The following RHBDD1 variants were observed in gnomAD, a reference collection of about 807,000 sequenced individuals.
RHBDD1 encodes rhomboid domain containing 1.
A neutral mutation model predicts 36.3 loss-of-function variants in RHBDD1; 38 were observed. That is an observed-to-expected ratio of 1.05 (90% CI 0.81 to 1.37). The LOEUF is 1.37. RHBDD1 is among the 40% of genes most tolerant of loss of function. The probability of loss-of-function intolerance (pLI) is 0.00; values close to 1 mark genes in which losing one functional copy is unlikely to be tolerated. For missense variants in RHBDD1, 393 were observed against 377.6 expected (o/e 1.04, Z -0.34); for synonymous variants, 151 against 136.5 (o/e 1.11, Z -0.74).
intron 8 of RHBDD1, among the ~76,000 whole-genome samples, chr2:226,949,605 A>T (rs534911692): frequency 6.6e-6 from 1 of 152,258 alleles, no homozygotes; most frequent in East Asian, 1.9e-4. Flanking sequence ...AATAATAGTG[A>T]TATTTGTATT....
chr2:226,933,683 A>G (rs186083822), intron 8 of RHBDD1, among the ~76,000 whole-genome samples: 1 of 151,882 alleles, frequency 6.6e-6, no homozygotes, highest in East Asian at 1.9e-4. Context: ...CTCTGAGCCT[A>G]CTCTGGCTTG....
At chr2:226,924,845 A>AT (rs1195191164) in intron 8 of RHBDD1, among the ~76,000 whole-genome samples, 1 of 152,208 alleles carries the variant, frequency 6.6e-6, no homozygotes, top group East Asian at 1.9e-4. Context: ...AAGTACACAG[A>AT]TTCTCTGTCT....
rs554632429 is a variant in RHBDD1 at position 226,904,417 on chromosome 2, G to C, written c.567-2376G>C. ...CCACTGTGGCACATCCTGCAAGCGGGGGGGGAGGGGGGTCAGGGAACTCCT... is the reference window on the plus strand; with the variant it reads ...CCACTGTGGCACATCCTGCAAGCGGCGGGGGAGGGGGGTCAGGGAACTCCT... On this transcript the variant is annotated intron_variant, in intron 5 of 8. Coordinates refer to ENST00000392062, the MANE Select transcript of RHBDD1 (RefSeq NM_001167608.3). 8.8e-5 allele frequency among the ~76,000 whole-genome samples: 13 copies of C among 148,346 alleles called. 2 individuals carry two copies. Among genetic ancestry groups the C allele is most frequent in the East Asian group, 2.0e-4 (1 of 4,994 alleles).
At chr2:226,846,175 T>G (rs1333635213) in intron 3 of RHBDD1, among the ~76,000 whole-genome samples, 1 of 152,226 alleles carries the variant, frequency 6.6e-6, no homozygotes, top group Non-Finnish European at 1.5e-5. Context: ...GTTGCTTGTG[T>G]CCTGGAATAA....
the RHBDD1 span, among the ~76,000 whole-genome samples, chr2:226,823,489 T>C: frequency 6.6e-6 from 1 of 152,200 alleles, no homozygotes; most frequent in African/African-American, 2.4e-5. Flanking sequence ...CAACTTAAAA[T>C]GGATAAAATG....
At chr2:226,947,174 G>T (rs1241306407) in intron 8 of RHBDD1, among the ~76,000 whole-genome samples, 8 of 151,298 alleles carry the variant, frequency 5.3e-5, no homozygotes, top group Admixed American at 5.3e-4. Context: ...TGAAGTCCTT[G>T]CCCATGCCTA....
At chr2:226,819,333 G>A in the RHBDD1 span, among the ~76,000 whole-genome samples, 2 of 152,170 alleles carry the variant, frequency 1.3e-5, no homozygotes, top group African/African-American at 4.8e-5. Flanking sequence ...TACACAATTT[G>A]CCATGTCTAA....
chr2:226,859,051 T>G (rs770144268), intron 3 of RHBDD1, among the ~76,000 whole-genome samples: 162 of 152,330 alleles, frequency 1.1e-3, no homozygotes, highest in Non-Finnish European at 6.0e-4. Flanking sequence ...GGAAAAGTTG[T>G]TACAATTTCA....
chr2:226,964,837 A>T (rs1287548977), intron 8 of RHBDD1, among the ~76,000 whole-genome samples: 1 of 152,190 alleles, frequency 6.6e-6, no homozygotes. Context: ...GAAGGTGAGG[A>T]TGTAGAAATA....
rs922777384 is a variant in RHBDD1, at chr2:226,998,621, C to T, written c.*3099C>T. The T allele has an allele frequency of 2.0e-5, 3 of 152,140 alleles. No homozygotes were observed. The highest frequency in any genetic ancestry group is 7.2e-5 in the African/African-American group (3 of 41,498). The allele number at this position is 152,140 out of a possible 1,614,324, so 9.4% of individuals were successfully genotyped here. On this transcript the variant is annotated 3_prime_UTR_variant, in exon 9 of 9. Transcript: ENST00000392062. ...CTGCTAGTATTTTATTTTAGAATCACAGACTCTCAGCTTAGAGAGTCACAG... is the reference window on the plus strand; with the variant it reads ...CTGCTAGTATTTTATTTTAGAATCATAGACTCTCAGCTTAGAGAGTCACAG...
chr2:226,834,522 C>T (rs964136102), upstream of RHBDD1, among the ~76,000 whole-genome samples: 8 of 152,182 alleles, frequency 5.3e-5, no homozygotes, highest in African/African-American at 1.9e-4. Flanking sequence ...TATGTACACC[C>T]ACACCTATGC....
chr2:226,838,044 G>C (rs1241872516), intron 1 of RHBDD1, 29 bp from the exon 2 acceptor site: 1 of 152,188 alleles, frequency 6.6e-6, no homozygotes, highest in Non-Finnish European at 1.5e-5. Flanking sequence ...TTTAGATGCA[G>C]TATTTTCTTA....
intron 8 of RHBDD1, chr2:226,988,666 AT>A: frequency 1.0e-6 from 1 of 984,646 alleles, no homozygotes; most frequent in Non-Finnish European, 1.2e-6. Context: ...GGATTTTAAT[AT>A]TCCGAAGGGT....
chr2:226,826,772 G>C, the RHBDD1 span, among the ~76,000 whole-genome samples: 1 of 151,448 alleles, frequency 6.6e-6, no homozygotes. Context: ...TGCCTGCCTC[G>C]GCCTCCCACA....
the RHBDD1 span, among the ~76,000 whole-genome samples, chr2:226,827,086 T>C: frequency 1.3e-5 from 2 of 152,114 alleles, no homozygotes; most frequent in African/African-American, 4.8e-5. Context: ...AGCCTCTTAG[T>C]AGCTGGGACC....
At chr2:226,918,632 A>G (rs1949088538) in intron 8 of RHBDD1, among the ~76,000 whole-genome samples, 1 of 152,070 alleles carries the variant, frequency 6.6e-6, no homozygotes, top group South Asian at 2.1e-4. Context: ...CGTTGTTGCA[A>G]ATGACAAGAT....
chr2:226,827,202 C>T, the RHBDD1 span, among the ~76,000 whole-genome samples: 9 of 151,708 alleles, frequency 5.9e-5, no homozygotes, highest in Non-Finnish European at 7.4e-5. Context: ...TGAGCTTAAA[C>T]GATCCACCTG....
intron 5 of RHBDD1, among the ~76,000 whole-genome samples, chr2:226,870,423 C>G (rs1382017308): frequency 6.6e-6 from 1 of 152,102 alleles, no homozygotes; most frequent in Non-Finnish European, 1.5e-5. Context: ...TGTTTGACTT[C>G]CACTCCCTAC....
the RHBDD1 span, chr2:226,804,812 T>C: frequency 6.6e-6 from 1 of 152,156 alleles, no homozygotes; most frequent in Non-Finnish European, 1.5e-5. Context: ...TACTGATTGA[T>C]TGGTGATTTG....
Sources: gnomAD v4.1 joint callset for allele counts (sites outside exome capture counted in the v4.1 genomes callset) on GRCh38, gnomAD v4.1.1 for gene constraint, MANE v1.5 for transcripts, NCBI Gene and HGNC (gene_info 2026-07-23, HGNC 2026-07-21) for gene names.